ARFGEF1: variants seen among roughly 807,000 people sequenced by gnomAD.
ARFGEF1 encodes the protein ARF guanine nucleotide exchange factor 1.
A neutral mutation model predicts 231.0 loss-of-function variants in ARFGEF1; 42 were observed. The observed-to-expected ratio is 0.18, with a 90% confidence interval of 0.14 to 0.24. The LOEUF (loss-of-function observed/expected upper bound fraction) is 0.24. Among genes scored for constraint, ARFGEF1 ranks in the 10% least tolerant of loss-of-function variants. The pLI is 1.00. For missense variants in ARFGEF1, 1,345 were observed against 2,192.0 expected (o/e 0.61, Z 7.72); for synonymous variants, 710 against 732.3 (o/e 0.97, Z 0.49).
intron 5 of ARFGEF1, among the ~76,000 whole-genome samples, chr8:67,178,799 G>C: frequency 6.6e-6 from 1 of 152,210 alleles, no homozygotes; most frequent in Non-Finnish European, 1.5e-5. Flanking sequence ...GGGGCAGGGG[G>C]TGACGAGGGG....
At chr8:67,271,377 T>C (rs1805091975) in intron 10 of ARFGEF1, among the ~76,000 whole-genome samples, 1 of 152,130 alleles carries the variant, frequency 6.6e-6, no homozygotes, top group Non-Finnish European at 1.5e-5. Context: ...GATAAACAAA[T>C]GTATTCGAAT....
chr8:67,191,121 T>C (rs1270232655), intron 5 of ARFGEF1, among the ~76,000 whole-genome samples: 1 of 152,200 alleles, frequency 6.6e-6, no homozygotes, highest in Non-Finnish European at 1.5e-5. Context: ...ATCACCTTCA[T>C]TTCGGTCAAA....
In ARFGEF1 at chr8:67,343,362, GGAAGA is replaced by G. The variant is rs1451252718; in HGVS notation, c.-80_-76del. On this transcript the variant is annotated 5_prime_UTR_variant, in exon 1 of 39. Transcript: ENST00000262215. ...CTGGAGGGGAGGAGGAGGAGAGGAA[GGAAGA>G]GAAGAGAGAAAGGAGAGGGGGTGGA... is the stretch of plus-strand genomic sequence containing the variant. 5.1e-6 allele frequency: 8 copies of G among 1,569,444 alleles called. No homozygotes were observed. Among genetic ancestry groups the G allele is most frequent in the East Asian group, 2.3e-5 (1 of 43,372 alleles).
chr8:67,296,388 C>T (rs774762554), intron 5 of ARFGEF1, 43 bp downstream of exon 5: 1 of 1,560,118 alleles, frequency 6.4e-7, no homozygotes, highest in Admixed American at 1.7e-5. Context: ...ATGTTTAATG[C>T]CTGTTGTGTT....
intron 5 of ARFGEF1, among the ~76,000 whole-genome samples, chr8:67,186,609 CCTG>C (rs1834683796): frequency 6.6e-6 from 1 of 152,126 alleles, no homozygotes; most frequent in Non-Finnish European, 1.5e-5. Flanking sequence ...TAGAAGCTTT[CCTG>C]CTAAGATCAG....
chr8:67,276,371 T>C (rs1043758748), intron 8 of ARFGEF1, among the ~76,000 whole-genome samples: 5 of 152,144 alleles, frequency 3.3e-5, no homozygotes, highest in Non-Finnish European at 5.9e-5. Context: ...ACCCAGCTCA[T>C]ACTATTACTG....
At chr8:67,310,341 C>T (rs1209153169) in intron 1 of ARFGEF1, among the ~76,000 whole-genome samples, 2 of 152,202 alleles carry the variant, frequency 1.3e-5, no homozygotes, top group African/African-American at 2.4e-5. Context: ...GCGAGTGATC[C>T]GCCAGCCTCA....
chr8:67,334,091 G>A (rs1301727692), intron 1 of ARFGEF1, among the ~76,000 whole-genome samples: 2 of 141,250 alleles, frequency 1.4e-5, no homozygotes, highest in South Asian at 2.2e-4. Context: ...AGCTGAGATC[G>A]CACCACTGCA....
intron 1 of ARFGEF1, among the ~76,000 whole-genome samples, chr8:67,307,757 G>GT (rs570765266): frequency 1.5e-3 from 221 of 152,198 alleles, no homozygotes; most frequent in African/African-American, 5.1e-3. Context: ...GACCACTATG[G>GT]TATCTGCCAT....
downstream of ARFGEF1, chr8:67,195,650 G>C: frequency 6.8e-7 from 1 of 1,471,052 alleles, no homozygotes; most frequent in Non-Finnish European, 9.4e-7. Flanking sequence ...TGGTAAATCT[G>C]TACCTTTAAT....
At chr8:67,331,002 A>G (rs1181832165) in intron 1 of ARFGEF1, among the ~76,000 whole-genome samples, 5 of 152,190 alleles carry the variant, frequency 3.3e-5, no homozygotes, top group African/African-American at 4.8e-5. Context: ...AGATGTTAAG[A>G]ATGAGCATTA....
intron 5 of ARFGEF1, among the ~76,000 whole-genome samples, chr8:67,292,437 A>G (rs1054351705): frequency 6.6e-6 from 1 of 152,166 alleles, no homozygotes; most frequent in Non-Finnish European, 1.5e-5. Context: ...GAAAGTCTAT[A>G]AAAATACATA....
intron 5 of ARFGEF1, among the ~76,000 whole-genome samples, chr8:67,183,319 A>G (rs548434862): frequency 1.3e-5 from 2 of 152,368 alleles, no homozygotes; most frequent in East Asian, 1.9e-4. Context: ...GTCGAAAGAC[A>G]ACTTCATTAA....
At chr8:67,252,580 G>A (rs1410271096) in intron 18 of ARFGEF1, among the ~76,000 whole-genome samples, 1 of 152,098 alleles carries the variant, frequency 6.6e-6, no homozygotes, top group African/African-American at 2.4e-5. Flanking sequence ...TTAGTTCCAA[G>A]TGGAAGGGCT....
In ARFGEF1 at chr8:67,223,064, A is replaced by G. The variant is rs141674482; in HGVS notation, c.4208+1839T>C. 2.8e-3 allele frequency among the ~76,000 whole-genome samples: 424 copies of G among 152,316 alleles called. 2 individuals carry two copies. Among genetic ancestry groups the G allele is most frequent in the Middle Eastern group, 0.01 (3 of 292 alleles). On this transcript the variant is annotated intron_variant, in intron 29 of 38. Transcript: ENST00000262215. ...CCTACTAATGCATTGCAGAGAACAT[A>G]CTCCTGTCATTAAATGATGCCTGAC...
intron 19 of ARFGEF1, among the ~76,000 whole-genome samples, chr8:67,244,169 G>A (rs1840020156): frequency 1.3e-5 from 2 of 149,428 alleles, no homozygotes; most frequent in South Asian, 4.3e-4. Context: ...CTTGAACCTG[G>A]GAGGCGGAGG....
At chr8:67,202,798 G>C (rs1370045353) in intron 36 of ARFGEF1, among the ~76,000 whole-genome samples, 1 of 152,090 alleles carries the variant, frequency 6.6e-6, no homozygotes, top group Non-Finnish European at 1.5e-5. Context: ...CTTTTGTCAT[G>C]CCAATGAGTA....
In ARFGEF1 at chr8:67,243,503, C is replaced by T. The variant is rs77699852; in HGVS notation, c.2851-3213G>A. Reference sequence around the variant, plus strand: ...AACAGCACGGGAAAAGACCTGCCCCCATGATTCAATTACCTCCCACTGGGT... The same window carrying T: ...AACAGCACGGGAAAAGACCTGCCCCTATGATTCAATTACCTCCCACTGGGT... On this transcript the variant is annotated intron_variant, in intron 19 of 38. Coordinates refer to ENST00000262215, the MANE Select transcript of ARFGEF1 (RefSeq NM_006421.5). Among the ~76,000 whole-genome samples, 244 of 152,276 alleles carry T rather than the reference C, an allele frequency of 1.6e-3. 6 individuals carry two copies. In the East Asian group the frequency reaches 0.041, roughly 26 times the overall value.
rs1806525132 is a variant in ARFGEF1, at chr8:67,302,231, T to C, written c.155+205A>G. Among the ~76,000 whole-genome samples the C allele has an allele frequency of 3.3e-5, 5 of 151,982 alleles. No homozygotes were observed. The South Asian group carries it at 1.0e-3, about 31-fold the overall frequency. On this transcript the variant is annotated intron_variant, in intron 2 of 38. Coordinates refer to ENST00000262215, the MANE Select transcript of ARFGEF1 (RefSeq NM_006421.5). ...ATATATGCATACATTTTTATAAATA[T>C]ATATAAAAATAGGTTTTAAGAAATA...
Sources: allele counts gnomAD v4.1 joint callset (sites outside exome capture counted in the v4.1 genomes callset), GRCh38; gene constraint gnomAD v4.1.1; transcripts MANE v1.5; gene names NCBI Gene and HGNC (gene_info 2026-07-23, HGNC 2026-07-21).